UBE2QL1: variants seen among roughly 807,000 people sequenced by gnomAD.
UBE2QL1 encodes ubiquitin conjugating enzyme E2 QL1.
Under a neutral mutation model 12.6 loss-of-function variants are expected in UBE2QL1, and 5 were observed. That is an observed-to-expected ratio of 0.40 (90% confidence interval 0.21 to 0.83). UBE2QL1 has a LOEUF of 0.83. Among genes scored for constraint, UBE2QL1 ranks in the 40% least tolerant of loss-of-function variants. UBE2QL1 has a pLI of 0.37. For missense variants in UBE2QL1, 99 were observed against 222.6 expected (o/e 0.44, Z 3.53); for synonymous variants, 96 against 94.5 (o/e 1.02, Z -0.10).
rs1012160205 is a variant in UBE2QL1, at chr5:6,496,672, C to A, written c.*5323C>A. 6.6e-6 allele frequency among the ~76,000 whole-genome samples: 1 copy of A among 151,702 alleles called. No individual in the cohort carries two copies. The highest frequency in any genetic ancestry group is 2.1e-4 in the South Asian group (1 of 4,802). On this transcript the variant is annotated 3_prime_UTR_variant, in exon 2 of 2. Coordinates refer to ENST00000399816, the MANE Select transcript of UBE2QL1 (RefSeq NM_001145161.3). Reference sequence around the variant, plus strand: ...CACTGCCCTAATGAGAAAAAAAAAACAATGATTCTAGAAAATAAAACTTTA... The same window carrying A: ...CACTGCCCTAATGAGAAAAAAAAAAAAATGATTCTAGAAAATAAAACTTTA...
chr5:6,468,564 A>G (rs1426240953), intron 1 of UBE2QL1, among the ~76,000 whole-genome samples: 2 of 152,204 alleles, frequency 1.3e-5, no homozygotes, highest in African/African-American at 2.4e-5. Flanking sequence ...GGCTGAAATG[A>G]TCATGGGGAA....
At chr5:6,470,171 C>G (rs7708569) in intron 1 of UBE2QL1, among the ~76,000 whole-genome samples, 3,345 of 152,252 alleles carry the variant, frequency 0.022, 109 homozygotes, top group African/African-American at 0.076. Flanking sequence ...CCCCTGGAAG[C>G]CTGGTGCTCC....
intron 1 of UBE2QL1, among the ~76,000 whole-genome samples, chr5:6,455,470 G>C (rs1739501059): frequency 6.6e-6 from 1 of 152,150 alleles, no homozygotes; most frequent in Non-Finnish European, 1.5e-5. Flanking sequence ...TAGATGTGTT[G>C]ATGTAGTCGG....
chr5:6,460,703 G>A (rs1739634774), intron 1 of UBE2QL1, among the ~76,000 whole-genome samples: 2 of 152,132 alleles, frequency 1.3e-5, no homozygotes, highest in African/African-American at 4.8e-5. Flanking sequence ...CCATTACATT[G>A]GTAGCATCTT....
At chr5:6,453,891 A>AT (rs958312563) in intron 1 of UBE2QL1, among the ~76,000 whole-genome samples, 7 of 152,122 alleles carry the variant, frequency 4.6e-5, no homozygotes, top group African/African-American at 9.6e-5. Flanking sequence ...TAACACAGAG[A>AT]TTTTTTTTGA....
At chr5:6,485,126 ATATG>A (rs1320854695) in intron 1 of UBE2QL1, among the ~76,000 whole-genome samples, 1 of 152,126 alleles carries the variant, frequency 6.6e-6, no homozygotes, top group Admixed American at 6.5e-5. Flanking sequence ...ACACAAATGC[ATATG>A]TATGTACATG....
intron 1 of UBE2QL1, among the ~76,000 whole-genome samples, chr5:6,463,598 GTTATTATTATTA>G (rs149126743): frequency 5.5e-4 from 76 of 137,298 alleles, no homozygotes; most frequent in East Asian, 1.0e-3. Flanking sequence ...TATTTGTGCT[GTTATTATTATTA>G]TTATTATTAT....
intron 1 of UBE2QL1, among the ~76,000 whole-genome samples, chr5:6,463,974 ATTT>A (rs1216849406): frequency 7.2e-6 from 1 of 139,088 alleles, no homozygotes; most frequent in Non-Finnish European, 1.6e-5. Context: ...ATTCTAAGAG[ATTT>A]TTTTTTTAAT....
At chr5:6,461,543 A>ACCCCCCCCCCCCCCCCC (rs71953375) in intron 1 of UBE2QL1, among the ~76,000 whole-genome samples, 1 of 42,184 alleles carries the variant, frequency 2.4e-5, no homozygotes. Flanking sequence ...AGCACCCACC[A>ACCCCCCCCCCCCCCCCC]CCCCCCCCCG....
intron 1 of UBE2QL1, among the ~76,000 whole-genome samples, chr5:6,483,618 A>T (rs563290526): frequency 6.6e-6 from 1 of 152,286 alleles, no homozygotes; most frequent in South Asian, 2.1e-4. Flanking sequence ...CTTCCGTCCC[A>T]GTTCCAGGCC....
At chr5:6,461,203 A>G (rs959217991) in intron 1 of UBE2QL1, among the ~76,000 whole-genome samples, 2 of 152,242 alleles carry the variant, frequency 1.3e-5, no homozygotes, top group Non-Finnish European at 2.9e-5. Context: ...AGGCTATTCA[A>G]CAGTGGAATA....
chr5:6,470,252 A>T (rs1342590311), intron 1 of UBE2QL1, among the ~76,000 whole-genome samples: 1 of 152,208 alleles, frequency 6.6e-6, no homozygotes, highest in Non-Finnish European at 1.5e-5. Context: ...AGCCAATTAT[A>T]TAATGCTATG....
chr5:6,475,442 C>T (rs1419114918), intron 1 of UBE2QL1, among the ~76,000 whole-genome samples: 26 of 152,178 alleles, frequency 1.7e-4, no homozygotes, highest in Admixed American at 1.6e-3. Flanking sequence ...TATCTTATGC[C>T]GTATCTTTGT....
At position 6,449,158 on chromosome 5, in the gene UBE2QL1, A is replaced by C; in HGVS notation, c.265A>C (p.Met89Leu). Residue 89 changes from methionine (M) to leucine (L), a missense_variant, in exon 1 of 2, where the codon ATG becomes CTG. Coordinates refer to ENST00000399816, the MANE Select transcript of UBE2QL1 (RefSeq NM_001145161.3). ...CGTGCTGGACGGCGGCGCCATCTGC[A>C]TGGAGCTGCTCACGCCGCGCGGCTG... Reference protein sequence around the residue: ...GYVLDGGAICMELLTPRGWSS... With the variant: ...GYVLDGGAICLELLTPRGWSS... 8 of 1,541,570 alleles carry C rather than the reference A, an allele frequency of 5.2e-6. No homozygotes were observed. The highest frequency in any genetic ancestry group is 6.1e-6 in the Non-Finnish European group (7 of 1,142,714).
chr5:6,480,414 G>A (rs1467197701), intron 1 of UBE2QL1, among the ~76,000 whole-genome samples: 2 of 152,166 alleles, frequency 1.3e-5, no homozygotes, highest in South Asian at 2.1e-4. Context: ...CGACACAGTC[G>A]ACACAGCCAC....
chr5:6,463,642 T>TATTATTA (rs56337704), intron 1 of UBE2QL1, among the ~76,000 whole-genome samples: 1 of 147,280 alleles, frequency 6.8e-6, no homozygotes, highest in Admixed American at 6.8e-5. Flanking sequence ...TTATTATTAT[T>TATTATTA]TTTGATGCGG....
chr5:6,464,719 C>T (rs891063354), intron 1 of UBE2QL1, among the ~76,000 whole-genome samples: 1 of 152,218 alleles, frequency 6.6e-6, no homozygotes, highest in African/African-American at 2.4e-5. Flanking sequence ...CACCGGGTGC[C>T]TCAGGTCACC....
At chr5:6,453,715 A>G (rs1579285492) in intron 1 of UBE2QL1, among the ~76,000 whole-genome samples, 2 of 85,376 alleles carry the variant, frequency 2.3e-5, no homozygotes, top group African/African-American at 7.0e-5. Flanking sequence ...ATGTGCACAC[A>G]CACACACACA....
chr5:6,493,290 A>C lies in UBE2QL1; in HGVS notation c.*1941A>C, dbSNP rs1319818081. 6.6e-6 allele frequency: 1 copy of C among 152,260 alleles called. No individual in the cohort carries two copies. The highest frequency in any genetic ancestry group is 1.5e-5 in the Non-Finnish European group (1 of 68,042). The allele number at this position is 152,260 out of a possible 1,614,324, so 9.4% of individuals were successfully genotyped here. A position where few individuals can be genotyped will look rare whatever the true frequency, so the allele number is the denominator to read the frequency against. On this transcript the variant is annotated 3_prime_UTR_variant, in exon 2 of 2. Transcript: ENST00000399816. ...TCATGGAATTACACTGTGGAGATGA[A>C]AGACCTAGGACAGAAACATCTTGCT...
Sources: gnomAD v4.1 joint callset for allele counts (sites outside exome capture counted in the v4.1 genomes callset) on GRCh38, gnomAD v4.1.1 for gene constraint, MANE v1.5 for transcripts, NCBI Gene and HGNC (gene_info 2026-07-23, HGNC 2026-07-21) for gene names.